RBM15: variants seen among roughly 807,000 people sequenced by gnomAD.
RBM15 encodes RNA-binding protein 15.
In RBM15, 8 loss-of-function variants were observed where a neutral mutation model predicts 62.6. The ratio of observed to expected loss-of-function variants is 0.13; its 90% CI spans 0.07 to 0.23. RBM15 has a LOEUF of 0.23. Ranked by LOEUF, RBM15 falls within the 10% of genes least tolerant of loss-of-function variation. RBM15 has a pLI of 1.00. For missense variants in RBM15, 1,144 were observed against 1,286.5 expected (o/e 0.89, Z 1.69); for synonymous variants, 606 against 505.7 (o/e 1.20, Z -2.66).
intron 1 of RBM15, among the ~76,000 whole-genome samples, chr1:110,344,746 C>T (rs1660866826): frequency 6.6e-6 from 1 of 152,110 alleles, no homozygotes; most frequent in Non-Finnish European, 1.5e-5. Flanking sequence ...TTCTACTTCT[C>T]ATTAGCCAGG....
In RBM15 at chr1:110,339,386, G is replaced by T; in HGVS notation, c.-20G>T. Reference sequence around the variant, plus strand: ...AAATAATTTTCCCAATGAGACTGTAGAAGAGAGAGCAATTGGCCAATGAGG... The same window carrying T: ...AAATAATTTTCCCAATGAGACTGTATAAGAGAGAGCAATTGGCCAATGAGG... On this transcript the variant is annotated 5_prime_UTR_variant, in exon 1 of 3. Transcript: ENST00000369784. 1 of 1,505,186 alleles carries T rather than the reference G, an allele frequency of 6.6e-7. No homozygotes were observed. The highest frequency in any genetic ancestry group is 8.9e-7 in the Non-Finnish European group (1 of 1,126,974). 93.2% of individuals were successfully genotyped at this position (1,505,186 alleles called of 1,614,324 possible).
rs879244552 is a variant in RBM15 at position 110,346,509 on chromosome 1, G to GA, written c.*250dup. ...GATGCCAATGCCGGTGTTTTAAGTG[G>GA]AAAAAAAATGACCTCTTTGATTTGT... On this transcript the variant is annotated 3_prime_UTR_variant, in exon 3 of 3. Transcript: ENST00000369784. 46 of 710,718 alleles carry GA rather than the reference G, an allele frequency of 6.5e-5. No homozygotes were observed. The highest frequency in any genetic ancestry group is 3.9e-4 in the South Asian group (22 of 57,120). The allele number at this position is 710,718 out of a possible 1,614,324, so 44.0% of individuals were successfully genotyped here. A position where few individuals can be genotyped will look rare whatever the true frequency, so the allele number is the denominator to read the frequency against.
At chr1:110,344,990 T>TA (rs769761108) in intron 1 of RBM15, among the ~76,000 whole-genome samples, 1 of 152,194 alleles carries the variant, frequency 6.6e-6, no homozygotes, top group Admixed American at 6.5e-5. Context: ...ACCTAGCCAA[T>TA]AGTTCTGCTT....
rs1162541124 is a variant in RBM15 at position 110,339,496 on chromosome 1, G to C, written c.91G>C (p.Val31Leu). Residue 31 changes from valine to leucine, a missense_variant, in exon 1 of 3, where the codon GTT (valine) becomes CTT (leucine). Val to Leu is a conservative substitution (Grantham distance 32). This residue lies in a region of RBM15 where 298 missense variants were observed against 250.0 expected (regional missense o/e 1.19). Transcript: ENST00000369784. ...GTGTGAAACGAGCGCGGGGCGGCGG[G>C]TTACTCAGCTCCGCGGAGACGACCT... The part of the protein sequence containing the change: ...PLCETSAGRR[V>L]TQLRGDDLRR... 1.3e-6 allele frequency: 2 copies of C among 1,586,914 alleles called. No individual in the cohort carries two copies. The highest frequency in any genetic ancestry group is 1.7e-6 in the Non-Finnish European group (2 of 1,163,354).
chr1:110,346,204 C>G, intron 2 of RBM15, 104 bp from the exon 3 acceptor site: 7 of 1,192,394 alleles, frequency 5.9e-6, no homozygotes, highest in Non-Finnish European at 8.5e-6. Flanking sequence ...CCAGGAAGGT[C>G]TTGTTAATGT....
At chr1:110,342,651 G>A (rs1312679527) in intron 1 of RBM15, 1 of 207,330 alleles carries the variant, frequency 4.8e-6, no homozygotes, top group Non-Finnish European at 9.5e-6. Flanking sequence ...GGAGAAAGGA[G>A]TCCACTGACC....
chr1:110,346,016 A>G (rs921367484), intron 2 of RBM15, among the ~76,000 whole-genome samples: 2 of 152,082 alleles, frequency 1.3e-5, no homozygotes, highest in Admixed American at 6.5e-5. Context: ...TTTTTTCAAC[A>G]TGTTTTACTC....
chr1:110,342,341 G>A, intron 1 of RBM15, 73 bp downstream of exon 1: 1 of 1,205,716 alleles, frequency 8.3e-7, no homozygotes, highest in Admixed American at 2.6e-5. Context: ...TGTGTAATGG[G>A]ATACAGCATC....
Position 110,341,204 on chromosome 1 carries a change from C to T in RBM15, c.1799C>T (p.Thr600Ile), listed in dbSNP as rs1311466617. 6.2e-7 allele frequency: 1 copy of T among 1,614,028 alleles called. No individual in the cohort carries two copies. Among genetic ancestry groups the T allele is most frequent in the Non-Finnish European group, 8.5e-7 (1 of 1,180,036 alleles). The change falls in exon 1 of 3, where the codon ACT becomes ATT. Residue 600 changes from threonine to isoleucine, a missense_variant. By Grantham distance (89) the Thr-to-Ile change is moderately conservative. This residue lies in a region of RBM15 where 360 missense variants were observed against 342.9 expected (regional missense o/e 1.05). Coordinates refer to ENST00000369784, the MANE Select transcript of RBM15 (RefSeq NM_022768.5). The surrounding 1 kb of genome is among the most constrained non-coding windows in gnomAD (Gnocchi z 4.5). Reference protein sequence around the residue: ...PPPVRERSTRTAATSVPAYEP... With the variant: ...PPPVRERSTRIAATSVPAYEP... ...CCAGTCCGAGAACGCAGCACTCGGA[C>T]TGCAGCTACTTCTGTGCCTGCTTAC...
Position 110,346,525 on chromosome 1 carries a change from T to A in RBM15, c.*258T>A. 1.5e-6 allele frequency: 1 copy of A among 674,858 alleles called. No individual in the cohort carries two copies. Among genetic ancestry groups the A allele is most frequent in the Non-Finnish European group, 2.6e-6 (1 of 388,858 alleles). 41.8% of individuals were successfully genotyped at this position (674,858 alleles called of 1,614,324 possible). On this transcript the variant is annotated 3_prime_UTR_variant, in exon 3 of 3. Transcript: ENST00000369784. ...TTTTAAGTGGAAAAAAAATGACCTC[T>A]TTGATTTGTGCTGTGTACACAAGAT...
chr1:110,344,807 ATCTTTCTTCTT>A (rs1660867545), intron 1 of RBM15, among the ~76,000 whole-genome samples: 1 of 152,130 alleles, frequency 6.6e-6, no homozygotes, highest in Non-Finnish European at 1.5e-5. Context: ...ATTTTTTTCT[ATCTTTCTTCTT>A]TAATTATTTT....
Position 110,345,771 on chromosome 1 carries a change from A to C in RBM15, c.*40+122A>C, listed in dbSNP as rs573099279. The C allele has an allele frequency of 5.1e-5, 33 of 647,034 alleles. No homozygotes were observed. The African/African-American group carries it at 5.6e-4, about 11-fold the overall frequency. The allele number at this position is 647,034 out of a possible 1,614,324, so 40.1% of individuals were successfully genotyped here. ...TAACAATTATTTGTATGAGTGTTTT[A>C]TTAAAATAACGGCTGCTGTCTTTGG... On this transcript the variant is annotated intron_variant, in intron 2 of 2. Coordinates refer to ENST00000369784, the MANE Select transcript of RBM15 (RefSeq NM_022768.5).
At position 110,340,947 on chromosome 1, in the gene RBM15, A is replaced by T. The variant is rs3738752; in HGVS notation, c.1542A>T (p.Pro514=). The T allele has an allele frequency of 0.18, 294,114 of 1,614,106 alleles. 28,231 individuals are homozygous for T. The highest frequency in any genetic ancestry group is 0.26 in the South Asian group (23,912 of 91,084). The change falls in exon 1 of 3, where the codon CCA becomes CCT. Residue 514 remains proline, a synonymous_variant. Transcript: ENST00000369784. This position sits in a 1 kb window ranked among gnomAD's most constrained non-coding sequence, Gnocchi z 5.8. ...HAAWTHMRGF[P]LGGPDRRLRV... is the part of the protein sequence containing the mutation. Reference sequence around the variant, plus strand: ...CCTGGACCCATATGCGGGGCTTCCCACTTGGTGGCCCAGATCGACGCCTTA... The same window carrying T: ...CCTGGACCCATATGCGGGGCTTCCCTCTTGGTGGCCCAGATCGACGCCTTA...
At chr1:110,342,882 G>T (rs146187435) in intron 1 of RBM15, among the ~76,000 whole-genome samples, 1 of 152,110 alleles carries the variant, frequency 6.6e-6, no homozygotes, top group African/African-American at 2.4e-5. Context: ...TAAATCATTT[G>T]TTCTAGAGTT....
Position 110,341,394 on chromosome 1 carries a change from A to G in RBM15, c.1989A>G (p.Arg663=), listed in dbSNP as rs143179813. 2 of 1,614,144 alleles carry G rather than the reference A, an allele frequency of 1.2e-6. No homozygotes were observed. Among genetic ancestry groups the G allele is most frequent in the East Asian group, 2.2e-5 (1 of 44,858 alleles). ...GGTCTCCTGAGAGTGACCGCCCACGAAAACGTCACTGCGCTCCTTCTCCTG... is the reference window on the plus strand; with the variant it reads ...GGTCTCCTGAGAGTGACCGCCCACGGAAACGTCACTGCGCTCCTTCTCCTG... ...LDRSPESDRP[R]KRHCAPSPDR... Residue 663 remains arginine (R), a synonymous_variant, in exon 1 of 3, where the codon CGA becomes CGG. Transcript: ENST00000369784. This position sits in a 1 kb window ranked among gnomAD's most constrained non-coding sequence, Gnocchi z 4.5.
Position 110,346,329 on chromosome 1 carries a change from T to C in RBM15, c.*62T>C, listed in dbSNP as rs1465584149. ...CAAGCAAAACTGGTTGAACAGCGGA[T>C]GAAGATATGGAATTCAAAGCTCTAA... On this transcript the variant is annotated 3_prime_UTR_variant, in exon 3 of 3. Coordinates refer to ENST00000369784, the MANE Select transcript of RBM15 (RefSeq NM_022768.5). 1.3e-6 allele frequency: 2 copies of C among 1,598,318 alleles called. No homozygotes were observed. Among genetic ancestry groups the C allele is most frequent in the Non-Finnish European group, 1.7e-6 (2 of 1,179,770 alleles).
rs1660880972 is a variant in RBM15 at position 110,345,573 on chromosome 1, C to T, written c.2898C>T (p.Asn966=). The stretch of plus-strand genomic sequence containing the variant: ...TTCAGATAGGAGTTAGGTATGAGAA[C>T]AAGAAGAGAGAAAACTTGGCGCTGA... ...FGFQIGVRYE[N]KKRENLALTL... The change falls in exon 2 of 3, where the codon AAC becomes AAT. Residue 966 remains asparagine, a synonymous_variant. Coordinates refer to ENST00000369784, the MANE Select transcript of RBM15 (RefSeq NM_022768.5). 1.2e-6 allele frequency: 2 copies of T among 1,611,442 alleles called. No homozygotes were observed. Among genetic ancestry groups the T allele is most frequent in the Non-Finnish European group, 1.7e-6 (2 of 1,178,814 alleles).
Position 110,341,804 on chromosome 1 carries a change from C to T in RBM15, c.2399C>T (p.Pro800Leu), listed in dbSNP as rs757855745. ...GMLLLKNSNF[P>L]SNMHLLQGDL... ...CTTCTACTGAAGAACAGCAACTTTCCTTCCAACATGCATCTGTTGCAGGGT... is the reference window on the plus strand; with the variant it reads ...CTTCTACTGAAGAACAGCAACTTTCTTTCCAACATGCATCTGTTGCAGGGT... The change falls in exon 1 of 3, where the codon CCT (proline) becomes CTT (leucine). Residue 800 changes from proline (P) to leucine (L), a missense_variant. By Grantham distance (98) the Pro-to-Leu change is moderately conservative. Transcript: ENST00000369784. The surrounding 1 kb of genome is among the most constrained non-coding windows in gnomAD (Gnocchi z 4.5). The T allele has an allele frequency of 3.1e-6, 5 of 1,614,232 alleles. No individual in the cohort carries two copies. The highest frequency in any genetic ancestry group is 1.6e-4 in the Middle Eastern group (1 of 6,062).
chr1:110,340,339 C>A lies in RBM15; in HGVS notation c.934C>A (p.Leu312Ile). 6.2e-7 allele frequency: 1 copy of A among 1,614,214 alleles called. No individual in the cohort carries two copies. Among genetic ancestry groups the A allele is most frequent in the Non-Finnish European group, 8.5e-7 (1 of 1,180,034 alleles). The change falls in exon 1 of 3, where the codon CTT (leucine) becomes ATT (isoleucine). Residue 312 changes from leucine (L) to isoleucine (I), a missense_variant. Physicochemically the swap from Leu to Ile is conservative, Grantham distance 5. Coordinates refer to ENST00000369784, the MANE Select transcript of RBM15 (RefSeq NM_022768.5). The surrounding 1 kb of genome is among the most constrained non-coding windows in gnomAD (Gnocchi z 5.8). ...AGACTACCGGCTGCAGCAGTTGGCT[C>A]TTGGCCGCCTGCCCCCTCCACCTCC... The part of the protein sequence containing the change: ...YRDYRLQQLA[L>I]GRLPPPPPPP...
Sources: gnomAD v4.1 joint callset for allele counts (sites outside exome capture counted in the v4.1 genomes callset) on GRCh38, gnomAD v4.1.1 for gene constraint, gnomAD v4.1.1 regional missense constraint, Gnocchi (gnomAD v3.1) non-coding constraint, MANE v1.5 for transcripts, NCBI Gene and HGNC (gene_info 2026-07-23, HGNC 2026-07-21) for gene names.